Variants in RNF180 observed in about 807,000 individuals in gnomAD.
The protein encoded by RNF180 is E3 ubiquitin-protein ligase RNF180.
RNF180 carries 38 observed loss-of-function variants against 59.2 expected under a neutral mutation model. The ratio of observed to expected loss-of-function variants is 0.64; its 90% CI spans 0.50 to 0.84. The LOEUF is 0.84. Among genes scored for constraint, RNF180 ranks in the 40% least tolerant of loss-of-function variants. RNF180 has a pLI of 0.00. For missense variants in RNF180, 705 were observed against 700.9 expected (o/e 1.01, Z -0.07); for synonymous variants, 262 against 240.3 (o/e 1.09, Z -0.84).
chr5:64,361,015 G>A (rs1746234857), intron 7 of RNF180, among the ~76,000 whole-genome samples: 3 of 151,534 alleles, frequency 2.0e-5, no homozygotes, highest in South Asian at 2.1e-4. Flanking sequence ...GAGACAGTTT[G>A]CTGTGCAAAT....
At chr5:64,214,730 CCT>C (rs1009241151) in intron 4 of RNF180, among the ~76,000 whole-genome samples, 2 of 152,122 alleles carry the variant, frequency 1.3e-5, no homozygotes, top group African/African-American at 4.8e-5. Context: ...TTAGAAAAAA[CCT>C]CTTTTGTGCA....
At chr5:64,191,307 A>T (rs1751145949) in intron 1 of RNF180, among the ~76,000 whole-genome samples, 1 of 152,162 alleles carries the variant, frequency 6.6e-6, no homozygotes, top group South Asian at 2.1e-4. Context: ...ATATTAACTA[A>T]AATTAATAAT....
At chr5:64,237,357 CT>C (rs993163754) in intron 5 of RNF180, among the ~76,000 whole-genome samples, 9 of 149,022 alleles carry the variant, frequency 6.0e-5, no homozygotes, top group Middle Eastern at 3.5e-3. Context: ...CCTGTGTCCT[CT>C]TTTTTTTTTA....
At position 64,222,744 on chromosome 5, in the gene RNF180, GC is replaced by G. The variant is rs1189077429; in HGVS notation, c.1227+5349del. On this transcript the variant is annotated intron_variant, in intron 5 of 7. Transcript: ENST00000389100. The stretch of plus-strand genomic sequence containing the variant: ...ACTATTATCAATTAGGATGATGGGA[GC>G]TCTCCCAAAATTCAAGTTTCTGGAT... Among the ~76,000 whole-genome samples, 5 of 152,296 alleles carry G rather than the reference GC, an allele frequency of 3.3e-5. No homozygotes were observed. The East Asian group carries it at 9.7e-4, about 29-fold the overall frequency.
At chr5:64,282,642 G>T (rs1742069570) in intron 5 of RNF180, among the ~76,000 whole-genome samples, 1 of 152,036 alleles carries the variant, frequency 6.6e-6, no homozygotes, top group South Asian at 2.1e-4. Flanking sequence ...GTTAATTTGA[G>T]ATCTAATTTT....
At chr5:64,240,065 T>G (rs1742706760) in intron 5 of RNF180, among the ~76,000 whole-genome samples, 1 of 152,188 alleles carries the variant, frequency 6.6e-6, no homozygotes, top group Admixed American at 6.5e-5. Flanking sequence ...CTGAACTCAT[T>G]AACTGAGGAA....
chr5:64,319,369 C>CT (rs1201456386), intron 5 of RNF180, among the ~76,000 whole-genome samples: 1 of 151,838 alleles, frequency 6.6e-6, no homozygotes, highest in African/African-American at 2.4e-5. Flanking sequence ...ATTTGATGTA[C>CT]TATACATTAT....
intron 5 of RNF180, among the ~76,000 whole-genome samples, chr5:64,292,423 C>T (rs1042323962): frequency 1.3e-5 from 2 of 152,240 alleles, no homozygotes; most frequent in East Asian, 1.9e-4. Context: ...ATCCTAGTTG[C>T]GTTGGTTTTC....
chr5:64,199,417 T>C (rs866115067), intron 1 of RNF180, among the ~76,000 whole-genome samples: 3 of 152,222 alleles, frequency 2.0e-5, no homozygotes, highest in Non-Finnish European at 4.4e-5. Flanking sequence ...TAATTTTTTT[T>C]AAATGTCCAT....
chr5:64,174,670 TGTTGA>T (rs1191784107), intron 1 of RNF180, among the ~76,000 whole-genome samples: 28 of 152,204 alleles, frequency 1.8e-4, no homozygotes, highest in African/African-American at 2.9e-4. Context: ...ATTATTTTAC[TGTTGA>T]GTTAAGTTCC....
At position 64,276,432 on chromosome 5, in the gene RNF180, TA is replaced by T. The variant is rs1255301738; in HGVS notation, c.1228-48751del. ...CACAAAGAAACAAAGGAGAAAGGAA[TA>T]AAGCAGGAAAAGAGGCCCAAGAGAT... On this transcript the variant is annotated intron_variant, in intron 5 of 7. Transcript: ENST00000389100. Among the ~76,000 whole-genome samples, 4 of 151,140 alleles carry T rather than the reference TA, an allele frequency of 2.6e-5. 1 individual carries two copies. The highest frequency in any genetic ancestry group is 9.7e-5 in the African/African-American group (4 of 41,142).
intron 5 of RNF180, among the ~76,000 whole-genome samples, chr5:64,321,817 A>G (rs1041331276): frequency 4.6e-5 from 7 of 152,234 alleles, no homozygotes; most frequent in African/African-American, 1.7e-4. Context: ...CCAAACAGAC[A>G]TATAGACCAA....
intron 5 of RNF180, among the ~76,000 whole-genome samples, chr5:64,264,634 T>C (rs1479141628): frequency 6.6e-6 from 1 of 152,216 alleles, no homozygotes; most frequent in African/African-American, 2.4e-5. Context: ...CTATCATTGA[T>C]GGGCATTTGG....
At chr5:64,215,304 CCTT>C (rs1752558402) in intron 4 of RNF180, among the ~76,000 whole-genome samples, 1 of 151,806 alleles carries the variant, frequency 6.6e-6, no homozygotes, top group Admixed American at 6.6e-5. Flanking sequence ...ATAATAGTGT[CCTT>C]ATTAATCAGT....
At chr5:64,224,657 G>A (rs1001261576) in intron 5 of RNF180, among the ~76,000 whole-genome samples, 34 of 152,178 alleles carry the variant, frequency 2.2e-4, no homozygotes, top group African/African-American at 5.1e-4. Context: ...GAGCACTGAC[G>A]TCCTCAGGCA....
chr5:64,209,738 T>C (rs1752206702), intron 2 of RNF180, among the ~76,000 whole-genome samples: 1 of 152,126 alleles, frequency 6.6e-6, no homozygotes, highest in Non-Finnish European at 1.5e-5. Context: ...ACTTCATTTG[T>C]CAATTCTAGT....
chr5:64,182,323 A>T (rs1184809414), intron 1 of RNF180, among the ~76,000 whole-genome samples: 1 of 152,224 alleles, frequency 6.6e-6, no homozygotes, highest in Non-Finnish European at 1.5e-5. Context: ...AAATTTCACA[A>T]AATGAATCAA....
chr5:64,258,838 G>A (rs1744148098), intron 5 of RNF180, among the ~76,000 whole-genome samples: 2 of 152,134 alleles, frequency 1.3e-5, no homozygotes, highest in African/African-American at 4.8e-5. Context: ...GAAAAGACTT[G>A]TAGATACAGC....
chr5:64,278,797 G>A (rs527468684), intron 5 of RNF180, among the ~76,000 whole-genome samples: 2 of 152,172 alleles, frequency 1.3e-5, no homozygotes, highest in South Asian at 2.1e-4. Flanking sequence ...TTAAATTTTT[G>A]TAGAGATGGG....
Sources: allele counts gnomAD v4.1 joint callset (sites outside exome capture counted in the v4.1 genomes callset), GRCh38; gene constraint gnomAD v4.1.1; transcripts MANE v1.5; gene names NCBI Gene and HGNC (gene_info 2026-07-23, HGNC 2026-07-21).